The following DLC1 variants were observed in gnomAD, a reference collection of about 807,000 sequenced individuals.
The protein encoded by DLC1 is rho GTPase-activating protein 7.
A neutral mutation model predicts 140.3 loss-of-function variants in DLC1; 54 were observed. The ratio of observed to expected loss-of-function variants is 0.38; its 90% CI spans 0.31 to 0.48. DLC1 has a LOEUF of 0.48. Among genes scored for constraint, DLC1 ranks in the 20% least tolerant of loss-of-function variants. The pLI, the probability that DLC1 is intolerant of heterozygous loss-of-function variation, is 0.96. For missense variants in DLC1, 2,536 were observed against 1,907.0 expected, an observed-to-expected ratio of 1.33 and a Z score of -6.14; for synonymous variants, 986 against 728.1, an observed-to-expected ratio of 1.35 and a Z score of -5.70.
intron 5 of DLC1, among the ~76,000 whole-genome samples, chr8:13,222,793 G>T (rs76255112): frequency 3.9e-5 from 6 of 152,266 alleles, no homozygotes; most frequent in Non-Finnish European, 8.8e-5. Context: ...ACCCAGGGTG[G>T]AGTGCAGCGA....
At chr8:13,371,861 A>G (rs1226737344) in intron 4 of DLC1, among the ~76,000 whole-genome samples, 2 of 152,192 alleles carry the variant, frequency 1.3e-5, no homozygotes, top group African/African-American at 4.8e-5. Flanking sequence ...CACTCACTCA[A>G]TAATTATTGA....
intron 2 of DLC1, among the ~76,000 whole-genome samples, chr8:13,487,610 G>A (rs1410402890): frequency 6.7e-6 from 1 of 149,096 alleles, no homozygotes; most frequent in Non-Finnish European, 1.5e-5. Flanking sequence ...GTCTCACTCT[G>A]TTGCCCAGGC....
intron 1 of DLC1, among the ~76,000 whole-genome samples, chr8:13,564,027 A>T (rs1382194223): frequency 6.6e-6 from 1 of 152,208 alleles, no homozygotes; most frequent in East Asian, 1.9e-4. Flanking sequence ...GTCAGAATAT[A>T]GGTAGCTTTT....
chr8:13,576,780 G>T (rs374899789), intron 1 of DLC1, among the ~76,000 whole-genome samples: 1 of 152,148 alleles, frequency 6.6e-6, no homozygotes, highest in Non-Finnish European at 1.5e-5. Context: ...AAAGTTGGAC[G>T]TGGTTAAAGC....
chr8:13,409,857 T>C (rs1453307376), intron 2 of DLC1, among the ~76,000 whole-genome samples: 3 of 152,148 alleles, frequency 2.0e-5, no homozygotes, highest in Non-Finnish European at 4.4e-5. Context: ...CTAAGGTTCA[T>C]GTAGAATTTG....
chr8:13,364,652 T>C (rs187105262), intron 4 of DLC1, among the ~76,000 whole-genome samples: 54 of 152,306 alleles, frequency 3.5e-4, no homozygotes, highest in African/African-American at 1.2e-3. Context: ...TACTGGTACA[T>C]GAACCATGCA....
intron 5 of DLC1, among the ~76,000 whole-genome samples, chr8:13,162,183 A>C (rs1824755687): frequency 6.6e-6 from 1 of 152,200 alleles, no homozygotes; most frequent in Admixed American, 6.5e-5. Context: ...AGAGAAACAT[A>C]AGAGGAGATC....
At chr8:13,489,095 A>G (rs1801111946) in intron 2 of DLC1, among the ~76,000 whole-genome samples, 1 of 152,018 alleles carries the variant, frequency 6.6e-6, no homozygotes, top group African/African-American at 2.4e-5. Context: ...TTACAGGTGC[A>G]TGCCACCATG....
intron 1 of DLC1, among the ~76,000 whole-genome samples, chr8:13,531,879 A>G (rs1247510761): frequency 6.6e-6 from 1 of 152,184 alleles, no homozygotes; most frequent in Non-Finnish European, 1.5e-5. Flanking sequence ...AAAGGAAAAA[A>G]TAAACCCCCT....
intron 5 of DLC1, among the ~76,000 whole-genome samples, chr8:13,168,648 C>G (rs985443545): frequency 1.4e-4 from 22 of 152,224 alleles, no homozygotes; most frequent in African/African-American, 4.8e-4. Flanking sequence ...TAAACTGTCT[C>G]TAGTCCAGAT....
intron 5 of DLC1, chr8:13,116,315 G>T: frequency 1.2e-6 from 1 of 810,550 alleles, no homozygotes; most frequent in Non-Finnish European, 1.5e-6. Context: ...ACATCTTGTA[G>T]ATAGAATCGA....
Position 13,085,894 on chromosome 8 carries a change from G to A in DLC1, c.4504C>T (p.His1502Tyr). ...TTTACAACTTCAGCTGCACACAAAT[G>A]TCCAAAAGATTTTGTGTACCATTCT... Reference protein sequence around the residue: ...MPEWYTKSFGHLCAAEVVKIR... With the variant: ...MPEWYTKSFGYLCAAEVVKIR... The change falls in exon 18 of 18, where the codon CAT (histidine) becomes TAT (tyrosine). Residue 1502 changes from histidine (H) to tyrosine (Y), a missense_variant. By Grantham distance (83) the His-to-Tyr change is moderately conservative. Coordinates refer to ENST00000276297, the MANE Select transcript of DLC1 (RefSeq NM_182643.3). The A allele has an allele frequency of 1.2e-6, 2 of 1,614,112 alleles. No homozygotes were observed. The highest frequency in any genetic ancestry group is 1.3e-5 in the African/African-American group (1 of 75,046).
intron 5 of DLC1, among the ~76,000 whole-genome samples, chr8:13,145,265 G>C (rs972437771): frequency 1.4e-5 from 2 of 144,380 alleles, no homozygotes; most frequent in Admixed American, 6.7e-5. Context: ...TTCAGAAAAA[G>C]CACAAAAGAA....
At chr8:13,491,956 G>A (rs1801266409) in intron 2 of DLC1, among the ~76,000 whole-genome samples, 1 of 152,172 alleles carries the variant, frequency 6.6e-6, no homozygotes, top group Admixed American at 6.6e-5. Flanking sequence ...GAATAATTGT[G>A]CTCAGTGAGC....
intron 4 of DLC1, among the ~76,000 whole-genome samples, chr8:13,379,711 T>C (rs1031084308): frequency 4.6e-5 from 7 of 152,160 alleles, no homozygotes; most frequent in Non-Finnish European, 8.8e-5. Context: ...TAGGTATAAA[T>C]GTGCCATGGT....
intron 1 of DLC1, among the ~76,000 whole-genome samples, chr8:13,591,405 A>G (rs1805510730): frequency 6.6e-6 from 1 of 152,100 alleles, no homozygotes; most frequent in Non-Finnish European, 1.5e-5. Context: ...ATGGTTTTAC[A>G]AGCATCTGGC....
chr8:13,527,907 A>G (rs1383388266), intron 1 of DLC1, among the ~76,000 whole-genome samples: 3 of 152,284 alleles, frequency 2.0e-5, no homozygotes, highest in African/African-American at 7.2e-5. Context: ...TGCCACTTTA[A>G]GCATTATCCA....
chr8:13,503,991 T>G (rs1199691503), intron 1 of DLC1, among the ~76,000 whole-genome samples: 1 of 152,194 alleles, frequency 6.6e-6, no homozygotes, highest in African/African-American at 2.4e-5. Context: ...TGGCTTCAGA[T>G]TTCTACTATT....
intron 2 of DLC1, among the ~76,000 whole-genome samples, chr8:13,422,390 A>G (rs1471775551): frequency 1.3e-5 from 2 of 151,372 alleles, no homozygotes; most frequent in African/African-American, 4.9e-5. Flanking sequence ...CTAGAAAGGA[A>G]TTCAGAGATT....
Sources: allele counts gnomAD v4.1 joint callset (sites outside exome capture counted in the v4.1 genomes callset), GRCh38; gene constraint gnomAD v4.1.1; transcripts MANE v1.5; gene names NCBI Gene and HGNC (gene_info 2026-07-23, HGNC 2026-07-21).